PDE1A: variants seen among roughly 807,000 people sequenced by gnomAD.
PDE1A encodes the protein dual specificity calcium/calmodulin-dependent 3',5'-cyclic nucleotide phosphodiesterase 1A.
In PDE1A, 35 loss-of-function variants were observed where a neutral mutation model predicts 61.7. The ratio of observed to expected loss-of-function variants is 0.57; its 90% CI spans 0.43 to 0.75. The LOEUF (loss-of-function observed/expected upper bound fraction) is 0.75. PDE1A is among the 30% of genes least tolerant of loss of function. The pLI is 0.00. For synonymous variants in PDE1A, 232 were observed against 213.2 expected (o/e 1.09, Z -0.77); for missense variants, 597 against 630.6 (o/e 0.95, Z 0.57).
intron 1 of PDE1A, among the ~76,000 whole-genome samples, chr2:182,313,358 G>A (rs1574324994): frequency 6.6e-6 from 1 of 152,162 alleles, no homozygotes. Context: ...GGGCTGCAGT[G>A]AGCTGAGATC....
chr2:182,435,258 C>A (rs1684321767), intron 2 of PDE1A, among the ~76,000 whole-genome samples: 1 of 152,032 alleles, frequency 6.6e-6, no homozygotes, highest in Non-Finnish European at 1.5e-5. Flanking sequence ...AAGGAAATGG[C>A]TTTTGTATAG....
At chr2:182,163,619 C>A (rs1275527276), downstream of PDE1A, among the ~76,000 whole-genome samples, 3 of 152,082 alleles carry the variant, frequency 2.0e-5, no homozygotes, top group Non-Finnish European at 2.9e-5. Context: ...GTGGAGATAA[C>A]CCTTCTAAAG....
At position 182,212,224 on chromosome 2, in the gene PDE1A, T is replaced by C. The variant is rs567764826; in HGVS notation, c.777-6159A>G. 3.5e-3 allele frequency among the ~76,000 whole-genome samples: 517 copies of C among 148,868 alleles called. 2 individuals are homozygous for C. Among genetic ancestry groups the C allele is most frequent in the African/African-American group, 0.012 (503 of 40,620 alleles). Reference sequence around the variant, plus strand: ...TATATATTACGTACGAGATAATGTCTTGAAACATATATATCTTTCTATATA... The same window carrying C: ...TATATATTACGTACGAGATAATGTCCTGAAACATATATATCTTTCTATATA... On this transcript the variant is annotated intron_variant, in intron 7 of 13. Transcript: ENST00000351439.
chr2:182,230,181 CA>C lies in PDE1A; in HGVS notation c.535-36del, dbSNP rs565224689. The C allele has an allele frequency of 6.2e-5, 97 of 1,569,512 alleles. No individual in the cohort carries two copies. The African/African-American group carries it at 1.2e-3, about 19-fold the overall frequency. On this transcript the variant is annotated intron_variant, in intron 5 of 13. Transcript: ENST00000351439. ...GTAATAATTATAATTATATTTTGAC[CA>C]AAAAAGTGGTACTAAATCAACCTGA...
At chr2:182,272,050 G>A (rs904275149) in intron 1 of PDE1A, among the ~76,000 whole-genome samples, 13 of 152,186 alleles carry the variant, frequency 8.5e-5, no homozygotes, top group Non-Finnish European at 1.6e-4. Context: ...TTCTATCCCA[G>A]GAAGTGGGCA....
chr2:182,454,172 C>T (rs1685731361), intron 2 of PDE1A, among the ~76,000 whole-genome samples: 2 of 152,128 alleles, frequency 1.3e-5, no homozygotes, highest in South Asian at 4.1e-4. Context: ...GTCAGAATTG[C>T]TTCGAAGAGA....
chr2:182,380,609 A>T (rs1280568715), intron 1 of PDE1A, among the ~76,000 whole-genome samples: 3 of 152,208 alleles, frequency 2.0e-5, no homozygotes, highest in Non-Finnish European at 4.4e-5. Context: ...ATTTTGCAAA[A>T]ATTTGAAATT....
chr2:182,249,346 C>T (rs1339983635), intron 2 of PDE1A, among the ~76,000 whole-genome samples: 1 of 152,130 alleles, frequency 6.6e-6, no homozygotes, highest in Admixed American at 6.5e-5. Flanking sequence ...GGTAAAGGAA[C>T]ATACTGGGAA....
intron 1 of PDE1A, among the ~76,000 whole-genome samples, chr2:182,377,948 G>A (rs981629613): frequency 4.6e-5 from 7 of 151,980 alleles, no homozygotes; most frequent in African/African-American, 1.4e-4. Flanking sequence ...CAGGGTTCAT[G>A]CCATTCTCCT....
chr2:182,527,188 T>C (rs1458847901), upstream of PDE1A, among the ~76,000 whole-genome samples: 2 of 148,106 alleles, frequency 1.4e-5, no homozygotes, highest in Non-Finnish European at 3.0e-5. Flanking sequence ...ATGAAGAGGC[T>C]GGGAGCCATG....
At chr2:182,465,511 T>A (rs1156318964) in intron 2 of PDE1A, among the ~76,000 whole-genome samples, 2 of 152,112 alleles carry the variant, frequency 1.3e-5, no homozygotes, top group Non-Finnish European at 2.9e-5. Context: ...AAAATTTTTT[T>A]AAGTAGAAAA....
chr2:182,423,774 C>G (rs1275748446), intron 1 of PDE1A, among the ~76,000 whole-genome samples: 1 of 152,044 alleles, frequency 6.6e-6, no homozygotes, highest in Admixed American at 6.6e-5. Flanking sequence ...CTCCCCATAT[C>G]TGAACTCTCA....
intron 1 of PDE1A, among the ~76,000 whole-genome samples, chr2:182,404,531 G>A (rs1180451960): frequency 6.6e-6 from 1 of 151,906 alleles, no homozygotes; most frequent in Non-Finnish European, 1.5e-5. Context: ...AAAACATTTC[G>A]ACTCTTTTGT....
chr2:182,424,048 G>A (rs764655177), intron 1 of PDE1A, among the ~76,000 whole-genome samples: 3 of 150,204 alleles, frequency 2.0e-5, no homozygotes, highest in Admixed American at 6.7e-5. Flanking sequence ...GAGCTCAAGC[G>A]ATTCTCATGC....
At chr2:182,563,277 A>G in the PDE1A span, among the ~76,000 whole-genome samples, 2 of 152,138 alleles carry the variant, frequency 1.3e-5, no homozygotes, top group African/African-American at 4.8e-5. Context: ...GTTGGTTTCA[A>G]GGAACATCTT....
chr2:182,238,236 C>A (rs377726659), intron 3 of PDE1A, among the ~76,000 whole-genome samples: 18 of 135,984 alleles, frequency 1.3e-4, no homozygotes, highest in African/African-American at 4.9e-4. Flanking sequence ...GCCACTGCAC[C>A]CCAACCTGGG....
At chr2:182,683,095 C>CTTTTT in the PDE1A span, among the ~76,000 whole-genome samples, 2 of 137,868 alleles carry the variant, frequency 1.5e-5, no homozygotes, top group Non-Finnish European at 1.6e-5. Flanking sequence ...TTTTTCTTTT[C>CTTTTT]TTTTTTTTTT....
At chr2:182,274,418 C>T (rs1177524448) in intron 1 of PDE1A, among the ~76,000 whole-genome samples, 2 of 151,966 alleles carry the variant, frequency 1.3e-5, no homozygotes, top group Non-Finnish European at 2.9e-5. Flanking sequence ...TCACACAACA[C>T]AAAAATATCT....
At chr2:182,161,230 A>G (rs1028725323) in intron 13 of PDE1A, among the ~76,000 whole-genome samples, 2 of 152,172 alleles carry the variant, frequency 1.3e-5, no homozygotes, top group African/African-American at 4.8e-5. Context: ...TTCTTTAGCC[A>G]TGGGACTTAA....
Sources: gnomAD v4.1 joint callset for allele counts (sites outside exome capture counted in the v4.1 genomes callset) on GRCh38, gnomAD v4.1.1 for gene constraint, MANE v1.5 for transcripts, NCBI Gene and HGNC (gene_info 2026-07-23, HGNC 2026-07-21) for gene names.